Variants in HFM1 observed in about 807,000 individuals in gnomAD.
The protein encoded by HFM1 is probable ATP-dependent DNA helicase HFM1.
Under a neutral mutation model 192.1 loss-of-function variants are expected in HFM1, and 169 were observed. The ratio of observed to expected loss-of-function variants is 0.88; its 90% CI spans 0.78 to 1.00. The LOEUF (loss-of-function observed/expected upper bound fraction) is 1.00. Ranked by LOEUF, HFM1 falls within the 50% of genes least tolerant of loss-of-function variation. HFM1 has a pLI of 0.00. For synonymous variants in HFM1, 525 were observed against 537.8 expected (o/e 0.98, Z 0.33); for missense variants, 1,661 against 1,668.0 (o/e 1.00, Z 0.07).
chr1:91,291,218 A>G (rs1317630682), intron 30 of HFM1, among the ~76,000 whole-genome samples: 1 of 152,238 alleles, frequency 6.6e-6, no homozygotes, highest in Non-Finnish European at 1.5e-5. Flanking sequence ...GAACTGAAGG[A>G]AATAGAGACA....
At chr1:91,331,129 GCAAT>G (rs1373247237) in intron 20 of HFM1, among the ~76,000 whole-genome samples, 1 of 152,188 alleles carries the variant, frequency 6.6e-6, no homozygotes, top group Non-Finnish European at 1.5e-5. Flanking sequence ...CCTAGCTAGA[GCAAT>G]CAGATAGGAG....
At chr1:91,358,477 G>C (rs997741616) in intron 13 of HFM1, among the ~76,000 whole-genome samples, 4 of 151,942 alleles carry the variant, frequency 2.6e-5, no homozygotes, top group African/African-American at 9.7e-5. Context: ...ACAGAACAGA[G>C]AGCCCAGAAA....
At chr1:91,380,705 G>T (rs1444527430) in intron 7 of HFM1, among the ~76,000 whole-genome samples, 1 of 152,130 alleles carries the variant, frequency 6.6e-6, no homozygotes, top group Non-Finnish European at 1.5e-5. Context: ...AGTGAGCTGA[G>T]ATTTCACCAC....
At chr1:91,338,947 T>C in intron 20 of HFM1, 1 of 455,702 alleles carries the variant, frequency 2.2e-6, no homozygotes, top group Non-Finnish European at 4.4e-6. Context: ...GTGCAGCAGG[T>C]ACTTAACCTC....
At position 91,316,482 on chromosome 1, in the gene HFM1, GA is replaced by G; in HGVS notation, c.2813-7del. ...TGCATTTGACAATGTTATACCTGTGGAAAATTAATCAAACAACAACTTAAAA... is the reference window on the plus strand; with the variant it reads ...TGCATTTGACAATGTTATACCTGTGGAAATTAATCAAACAACAACTTAAAA... On this transcript the variant is annotated splice_polypyrimidine_tract_variant and splice_region_variant and intron_variant, in intron 25 of 38. Transcript: ENST00000370425. 7.5e-7 allele frequency: 1 copy of G among 1,338,958 alleles called. No individual in the cohort carries two copies. Among genetic ancestry groups the G allele is most frequent in the Non-Finnish European group, 1.0e-6 (1 of 986,838 alleles). The allele number at this position is 1,338,958 out of a possible 1,614,324, so 82.9% of individuals were successfully genotyped here.
At chr1:91,321,107 C>T (rs899475611) in intron 23 of HFM1, among the ~76,000 whole-genome samples, 3 of 152,082 alleles carry the variant, frequency 2.0e-5, no homozygotes, top group Admixed American at 6.6e-5. Flanking sequence ...GAGGGAAGAC[C>T]TAGGAATTAA....
chr1:91,314,591 G>T (rs1650935252), intron 28 of HFM1, among the ~76,000 whole-genome samples: 1 of 151,998 alleles, frequency 6.6e-6, no homozygotes, highest in Admixed American at 6.6e-5. Context: ...TTTCCAAGTT[G>T]CATTTACCAT....
intron 34 of HFM1, among the ~76,000 whole-genome samples, chr1:91,272,776 G>C (rs1298147462): frequency 6.6e-6 from 1 of 151,842 alleles, no homozygotes; most frequent in Non-Finnish European, 1.5e-5. Flanking sequence ...AGCTGCCATG[G>C]TATCACAAGA....
intron 36 of HFM1, 24 bp downstream of exon 36, chr1:91,265,993 A>T (rs1300317792): frequency 6.3e-7 from 1 of 1,586,772 alleles, no homozygotes; most frequent in Non-Finnish European, 8.5e-7. Context: ...TGCAAATATT[A>T]CAAACCTAAG....
At chr1:91,352,343 G>C (rs889743363) in intron 16 of HFM1, among the ~76,000 whole-genome samples, 163 bp downstream of exon 16, 4 of 151,722 alleles carry the variant, frequency 2.6e-5, no homozygotes, top group African/African-American at 4.8e-5. Context: ...GTATGTCCCA[G>C]TTGGTGAGGC....
At chr1:91,376,146 A>G (rs1482608016) in intron 11 of HFM1, among the ~76,000 whole-genome samples, 2 of 152,020 alleles carry the variant, frequency 1.3e-5, no homozygotes, top group East Asian at 3.8e-4. Flanking sequence ...GCAAATTAAT[A>G]GTTGGTTTAG....
intron 13 of HFM1, among the ~76,000 whole-genome samples, chr1:91,369,760 T>G (rs976147555): frequency 2.6e-5 from 4 of 151,682 alleles, no homozygotes; most frequent in Middle Eastern, 3.2e-3. Flanking sequence ...CTGAAGGAAA[T>G]AGAGACACAA....
chr1:91,271,006 TAG>T (rs1355865306), intron 34 of HFM1, among the ~76,000 whole-genome samples: 1 of 152,130 alleles, frequency 6.6e-6, no homozygotes, highest in Admixed American at 6.6e-5. Context: ...TCCCTTCTTT[TAG>T]TGGGAGTACC....
chr1:91,299,772 C>A (rs1158031605), intron 30 of HFM1, among the ~76,000 whole-genome samples: 7 of 152,108 alleles, frequency 4.6e-5, no homozygotes, highest in Non-Finnish European at 1.0e-4. Flanking sequence ...ATCTCTGGGA[C>A]ACATTCAAAG....
intron 13 of HFM1, among the ~76,000 whole-genome samples, chr1:91,355,721 A>T (rs1180522834): frequency 6.6e-6 from 1 of 152,204 alleles, no homozygotes; most frequent in Admixed American, 6.5e-5. Flanking sequence ...TATATAAAAC[A>T]TTATTAAAGG....
At chr1:91,278,490 G>A (rs1255514961) in intron 30 of HFM1, among the ~76,000 whole-genome samples, 2 of 152,114 alleles carry the variant, frequency 1.3e-5, no homozygotes, top group Non-Finnish European at 2.9e-5. Context: ...GATTGTAAGA[G>A]CTGAAATCAG....
At chr1:91,356,494 C>T (rs1657758000) in intron 13 of HFM1, among the ~76,000 whole-genome samples, 1 of 151,150 alleles carries the variant, frequency 6.6e-6, no homozygotes, top group African/African-American at 2.4e-5. Flanking sequence ...GCAATAAGTG[C>T]CTATATTAAA....
intron 2 of HFM1, among the ~76,000 whole-genome samples, chr1:91,400,765 T>G (rs1664221460): frequency 6.6e-6 from 1 of 152,208 alleles, no homozygotes; most frequent in Non-Finnish European, 1.5e-5. Flanking sequence ...ATTACAGGCG[T>G]GAGCCACTGC....
At chr1:91,270,972 GTTTT>G (rs1235469839) in intron 34 of HFM1, among the ~76,000 whole-genome samples, 1 of 152,096 alleles carries the variant, frequency 6.6e-6, no homozygotes, top group East Asian at 1.9e-4. Flanking sequence ...CTAGAATTCT[GTTTT>G]TTGTCTGCCT....
Sources: gnomAD v4.1 joint callset for allele counts (sites outside exome capture counted in the v4.1 genomes callset) on GRCh38, gnomAD v4.1.1 for gene constraint, MANE v1.5 for transcripts, NCBI Gene and HGNC (gene_info 2026-07-23, HGNC 2026-07-21) for gene names.